The following COL4A4 variants were observed in gnomAD, a reference collection of about 807,000 sequenced individuals.
COL4A4 encodes the protein collagen type IV alpha 4 chain.
COL4A4 carries 105 observed loss-of-function variants against 192.9 expected under a neutral mutation model. That is an observed-to-expected ratio of 0.54 (90% CI 0.46 to 0.64). The LOEUF (loss-of-function observed/expected upper bound fraction) is 0.64. Ranked by LOEUF, COL4A4 falls within the 30% of genes least tolerant of loss-of-function variation. COL4A4 has a pLI of 0.00. For synonymous variants in COL4A4, 762 were observed against 769.9 expected (o/e 0.99, Z 0.17); for missense variants, 1,967 against 2,169.3 (o/e 0.91, Z 1.85).
the COL4A4 span, among the ~76,000 whole-genome samples, chr2:226,979,474 C>G: frequency 3.3e-5 from 5 of 152,292 alleles, no homozygotes; most frequent in East Asian, 9.7e-4. Flanking sequence ...GCTGGAACTT[C>G]CCGAGACCCC....
intron 18 of COL4A4, among the ~76,000 whole-genome samples, chr2:227,099,177 G>A (rs986966833): frequency 4.6e-5 from 7 of 151,934 alleles, no homozygotes; most frequent in South Asian, 4.1e-4. Context: ...AGCGATTCTC[G>A]TGCCTCAGCC....
intron 4 of COL4A4, among the ~76,000 whole-genome samples, chr2:227,130,179 C>T (rs577602935): frequency 1.3e-5 from 2 of 152,318 alleles, no homozygotes; most frequent in South Asian, 4.1e-4. Context: ...AGTAACCGCA[C>T]TTGTTCACAA....
At chr2:226,982,782 T>G in the COL4A4 span, among the ~76,000 whole-genome samples, 1 of 152,238 alleles carries the variant, frequency 6.6e-6, no homozygotes, top group African/African-American at 2.4e-5. Flanking sequence ...CAAGCATTTA[T>G]GATGCACCCA....
At chr2:227,041,846 A>AAGAGAGAGAGAGAGAGAGAGAGAGAGAG in intron 37 of COL4A4, among the ~76,000 whole-genome samples, 1 of 39,322 alleles carries the variant, frequency 2.5e-5, no homozygotes, top group African/African-American at 1.4e-4. Flanking sequence ...GAAAGAAAGA[A>AAGAGAGAGAGAGAGAGAGAGAGAGAGAG]AGAGAAAGAA....
chr2:227,120,024 T>C, intron 5 of COL4A4, 85 bp from the exon 6 acceptor site: 1 of 1,090,266 alleles, frequency 9.2e-7, no homozygotes, highest in Non-Finnish European at 1.3e-6. Flanking sequence ...AATTAATTAC[T>C]CATCTTTAAA....
intron 22 of COL4A4, among the ~76,000 whole-genome samples, chr2:227,083,818 T>C (rs1251944289): frequency 6.6e-6 from 1 of 152,158 alleles, no homozygotes; most frequent in African/African-American, 2.4e-5. Context: ...CCGGCTGTAC[T>C]AATTTATAAG....
intron 37 of COL4A4, among the ~76,000 whole-genome samples, chr2:227,041,367 T>C (rs1970780627): frequency 6.6e-6 from 1 of 151,898 alleles, no homozygotes; most frequent in Non-Finnish European, 1.5e-5. Context: ...AATAAGATGG[T>C]AGCAACCGGG....
At chr2:227,097,723 G>C (rs781768287) in intron 19 of COL4A4, among the ~76,000 whole-genome samples, 1 of 152,180 alleles carries the variant, frequency 6.6e-6, no homozygotes, top group Non-Finnish European at 1.5e-5. Flanking sequence ...CTATCTAAAG[G>C]TTAAGTGAAC....
chr2:227,126,338 T>C (rs1362234627), intron 4 of COL4A4, among the ~76,000 whole-genome samples: 4 of 152,186 alleles, frequency 2.6e-5, no homozygotes, highest in Non-Finnish European at 5.9e-5. Context: ...CTGTCTTATG[T>C]CTCTGAATTG....
At chr2:227,161,843 T>C (rs964852190) in intron 1 of COL4A4, among the ~76,000 whole-genome samples, 9 of 152,092 alleles carry the variant, frequency 5.9e-5, no homozygotes, top group African/African-American at 1.9e-4. Flanking sequence ...TCATAGGCTA[T>C]GCTTGCCTCC....
chr2:226,973,185 G>A, the COL4A4 span, among the ~76,000 whole-genome samples: 4 of 152,142 alleles, frequency 2.6e-5, no homozygotes, highest in Non-Finnish European at 5.9e-5. Flanking sequence ...ATATAGTGTT[G>A]ATTGTCCTTA....
At chr2:227,124,522 T>C (rs1353641652) in intron 4 of COL4A4, among the ~76,000 whole-genome samples, 1 of 152,260 alleles carries the variant, frequency 6.6e-6, no homozygotes, top group Non-Finnish European at 1.5e-5. Context: ...TCATTCATCA[T>C]TGTTAAATAG....
the COL4A4 span, among the ~76,000 whole-genome samples, chr2:226,973,018 G>A: frequency 6.6e-6 from 1 of 152,044 alleles, no homozygotes; most frequent in Non-Finnish European, 1.5e-5. Context: ...GGTAGGCCTG[G>A]ACTTCAAAGT....
At chr2:227,103,043 A>G in intron 14 of COL4A4, 101 bp downstream of exon 14, 1 of 1,153,204 alleles carries the variant, frequency 8.7e-7, no homozygotes, top group South Asian at 1.3e-5. Context: ...GGTAATATAT[A>G]TTAGCACTTA....
rs778059619 is a variant in COL4A4, at chr2:227,032,015, T to G, written c.3747A>C (p.Arg1249Ser). 6.2e-7 allele frequency: 1 copy of G among 1,614,078 alleles called. No homozygotes were observed. The highest frequency in any genetic ancestry group is 1.1e-5 in the South Asian group (1 of 91,076). Reference protein sequence around the residue: ...GPPGPAGATGRAPKDIPDPGP... With the variant: ...GPPGPAGATGSAPKDIPDPGP... ...CCGGGTCAGGAATGTCCTTAGGAGC[T>G]CTTCCTGTGGCACCTGCAGGACCAG... The change falls in exon 40 of 48, where the codon AGA (arginine) becomes AGC (serine). Residue 1249 changes from arginine (R) to serine (S), a missense_variant. Arg to Ser is a moderately radical substitution (Grantham distance 110). Coordinates refer to ENST00000396625, the MANE Select transcript of COL4A4 (RefSeq NM_000092.5).
chr2:227,115,286 T>C (rs77832099), intron 7 of COL4A4, among the ~76,000 whole-genome samples: 5 of 149,684 alleles, frequency 3.3e-5, no homozygotes, highest in African/African-American at 1.2e-4. Context: ...TTTTTTTTTT[T>C]TTGAGACAGA....
intron 32 of COL4A4, among the ~76,000 whole-genome samples, chr2:227,052,008 G>A (rs1974215301): frequency 6.6e-6 from 1 of 152,086 alleles, no homozygotes; most frequent in Admixed American, 6.5e-5. Context: ...TGGCCAACAT[G>A]GTGAAACCCC....
the COL4A4 span, among the ~76,000 whole-genome samples, chr2:226,985,847 T>C: frequency 6.6e-6 from 1 of 152,244 alleles, no homozygotes; most frequent in Non-Finnish European, 1.5e-5. Context: ...AAAGCCACCT[T>C]GAGATGCCCA....
At chr2:227,068,158 A>G (rs2150364734) in intron 25 of COL4A4, among the ~76,000 whole-genome samples, 1 of 149,958 alleles carries the variant, frequency 6.7e-6, no homozygotes, top group African/African-American at 2.4e-5. Context: ...CTCTCCCAAG[A>G]CTAAACCAGG....
Sources: gnomAD v4.1 joint callset for allele counts (sites outside exome capture counted in the v4.1 genomes callset) on GRCh38, gnomAD v4.1.1 for gene constraint, MANE v1.5 for transcripts, NCBI Gene and HGNC (gene_info 2026-07-23, HGNC 2026-07-21) for gene names.